The following MED27 variants were observed in gnomAD, a reference collection of about 807,000 sequenced individuals.
MED27 encodes the protein mediator of RNA polymerase II transcription subunit 27.
MED27 carries 30 observed loss-of-function variants against 38.2 expected under a neutral mutation model. That is an observed-to-expected ratio of 0.79 (90% CI 0.59 to 1.07). The LOEUF (loss-of-function observed/expected upper bound fraction) is 1.07. MED27 is among the 50% of genes least tolerant of loss of function. MED27 has a pLI of 0.00. For missense variants in MED27, 289 were observed against 397.5 expected (o/e 0.73, Z 2.32); for synonymous variants, 122 against 153.5 (o/e 0.79, Z 1.52).
chr9:131,950,574 AC>A (rs1289026551), intron 3 of MED27, among the ~76,000 whole-genome samples: 2 of 152,174 alleles, frequency 1.3e-5, no homozygotes, highest in Non-Finnish European at 2.9e-5. Flanking sequence ...ACAAAAAGAA[AC>A]GCCAAAGAGA....
chr9:132,028,808 C>T (rs979451901), intron 2 of MED27, among the ~76,000 whole-genome samples: 1 of 152,168 alleles, frequency 6.6e-6, no homozygotes. Context: ...TCCAGGGGCC[C>T]ACCTCCAATC....
At chr9:131,931,728 T>C (rs901061791) in intron 4 of MED27, among the ~76,000 whole-genome samples, 4 of 152,002 alleles carry the variant, frequency 2.6e-5, no homozygotes, top group South Asian at 2.1e-4. Flanking sequence ...ACAAAATAGA[T>C]TTCAAGACAA....
At chr9:132,035,525 T>C (rs1833054222) in intron 2 of MED27, among the ~76,000 whole-genome samples, 1 of 151,970 alleles carries the variant, frequency 6.6e-6, no homozygotes, top group Non-Finnish European at 1.5e-5. Flanking sequence ...AGGGCCGCAA[T>C]AGTAAATAGT....
At chr9:131,945,146 A>T (rs1186227490) in intron 3 of MED27, among the ~76,000 whole-genome samples, 1 of 147,038 alleles carries the variant, frequency 6.8e-6, no homozygotes, top group East Asian at 1.9e-4. Flanking sequence ...TATATAAAAA[A>T]TTTATATATA....
intron 2 of MED27, among the ~76,000 whole-genome samples, chr9:132,055,996 G>A (rs1221629295): frequency 6.6e-6 from 1 of 152,198 alleles, no homozygotes; most frequent in Non-Finnish European, 1.5e-5. Flanking sequence ...AGGACAGCCA[G>A]GAAGGCAGTG....
At chr9:131,925,265 A>G (rs1013985488) in intron 4 of MED27, among the ~76,000 whole-genome samples, 1 of 152,238 alleles carries the variant, frequency 6.6e-6, no homozygotes, top group African/African-American at 2.4e-5. Flanking sequence ...TTGTGGGTAC[A>G]TAAGAGTTGT....
At chr9:132,026,868 A>G (rs1280374849) in intron 2 of MED27, among the ~76,000 whole-genome samples, 1 of 152,134 alleles carries the variant, frequency 6.6e-6, no homozygotes, top group Non-Finnish European at 1.5e-5. Flanking sequence ...CTGTACAACC[A>G]CCCTGTGAGG....
chr9:132,058,874 G>A (rs1833639099), intron 2 of MED27, among the ~76,000 whole-genome samples: 1 of 152,206 alleles, frequency 6.6e-6, no homozygotes, highest in African/African-American at 2.4e-5. Flanking sequence ...CACAGTGTCT[G>A]AAAATTACCT....
chr9:131,909,134 C>T (rs1451115264), intron 4 of MED27, among the ~76,000 whole-genome samples: 3 of 152,084 alleles, frequency 2.0e-5, no homozygotes, highest in Non-Finnish European at 1.5e-5. Flanking sequence ...AGGAAGCCTG[C>T]AGGCTTCTGG....
rs1433458838 is a variant in MED27, at chr9:131,945,007, T to C, written c.480-5533A>G. On this transcript the variant is annotated intron_variant, in intron 3 of 7. Coordinates refer to ENST00000292035, the MANE Select transcript of MED27 (RefSeq NM_004269.4). Reference sequence around the variant, plus strand: ...CCTGTTCTAGAACTGTGGTCCCTGGTTTGCTTTTTTGTTCTTTTCTGAATG... The same window carrying C: ...CCTGTTCTAGAACTGTGGTCCCTGGCTTGCTTTTTTGTTCTTTTCTGAATG... 3.3e-5 allele frequency among the ~76,000 whole-genome samples: 5 copies of C among 150,992 alleles called. No homozygotes were observed. In the South Asian group the frequency reaches 8.3e-4, roughly 25 times the overall value.
At chr9:131,965,561 G>C (rs1831320169) in intron 3 of MED27, among the ~76,000 whole-genome samples, 1 of 152,176 alleles carries the variant, frequency 6.6e-6, no homozygotes, top group South Asian at 2.1e-4. Flanking sequence ...ATAACCACAA[G>C]GAGAGGCAGT....
At chr9:131,945,191 A>C (rs1830863125) in intron 3 of MED27, among the ~76,000 whole-genome samples, 1 of 149,958 alleles carries the variant, frequency 6.7e-6, no homozygotes, top group Admixed American at 6.7e-5. Flanking sequence ...GCAGCCCAGA[A>C]GTGAACATAA....
At chr9:132,061,892 G>A (rs991531121) in intron 2 of MED27, among the ~76,000 whole-genome samples, 3 of 152,126 alleles carry the variant, frequency 2.0e-5, no homozygotes, top group African/African-American at 7.2e-5. Context: ...TTTACCTTCT[G>A]TTTGTATCCC....
intron 3 of MED27, among the ~76,000 whole-genome samples, chr9:131,980,394 A>C (rs1422024692): frequency 1.3e-5 from 2 of 152,184 alleles, no homozygotes; most frequent in Non-Finnish European, 2.9e-5. Flanking sequence ...TTGTGCAATC[A>C]GCAGAAGGCT....
intron 2 of MED27, among the ~76,000 whole-genome samples, chr9:132,063,915 G>A (rs2131154267): frequency 1.3e-5 from 2 of 152,334 alleles, no homozygotes; most frequent in Admixed American, 1.3e-4. Context: ...GAAACTTGGA[G>A]AGGATCTAAA....
chr9:131,947,711 G>A (rs2130980220), intron 3 of MED27, among the ~76,000 whole-genome samples: 1 of 151,760 alleles, frequency 6.6e-6, no homozygotes, highest in Non-Finnish European at 1.5e-5. Context: ...CAACAAATCT[G>A]GGCCCTAGCC....
intron 3 of MED27, among the ~76,000 whole-genome samples, chr9:131,946,875 C>T (rs2130978932): frequency 6.6e-6 from 1 of 152,380 alleles, no homozygotes; most frequent in East Asian, 1.9e-4. Flanking sequence ...TACGGTCTCA[C>T]ACTTCCCTTG....
chr9:131,931,935 C>CT (rs1830595708), intron 4 of MED27, among the ~76,000 whole-genome samples: 2 of 152,152 alleles, frequency 1.3e-5, no homozygotes, highest in South Asian at 4.1e-4. Context: ...TCGGACAGAT[C>CT]TTCCAGACAG....
In MED27 at chr9:131,900,285, C is replaced by T. The variant is rs373436495; in HGVS notation, c.574-6293G>A. Among the ~76,000 whole-genome samples the T allele has an allele frequency of 1.8e-4, 27 of 152,394 alleles. No individual in the cohort carries two copies. In the East Asian group the frequency reaches 5.0e-3, roughly 28 times the overall value. ...AGCGGGGGCCGAAACCAGTGGTCTT[C>T]TCTATCTGCTTTTCCAGCAATCGCC... On this transcript the variant is annotated intron_variant, in intron 4 of 7. Coordinates refer to ENST00000292035, the MANE Select transcript of MED27 (RefSeq NM_004269.4).
Sources: gnomAD v4.1 joint callset for allele counts (sites outside exome capture counted in the v4.1 genomes callset) on GRCh38, gnomAD v4.1.1 for gene constraint, MANE v1.5 for transcripts, NCBI Gene and HGNC (gene_info 2026-07-23, HGNC 2026-07-21) for gene names.